Variants in CCDC141 observed in about 807,000 individuals in gnomAD.
CCDC141 encodes the protein coiled-coil domain-containing protein 141.
CCDC141 carries 168 observed loss-of-function variants against 181.0 expected under a neutral mutation model. That is an observed-to-expected ratio of 0.93 (90% CI 0.82 to 1.05). CCDC141 has a LOEUF of 1.05. Ranked by LOEUF, CCDC141 falls within the 50% of genes least tolerant of loss-of-function variation. CCDC141 has a pLI of 0.00. For synonymous variants in CCDC141, 666 were observed against 642.3 expected, an observed-to-expected ratio of 1.04 and a Z score of -0.56; for missense variants, 1,902 against 1,788.5, an observed-to-expected ratio of 1.06 and a Z score of -1.14.
rs182318790 is a variant in CCDC141 at position 179,000,377 on chromosome 2, T to G, written c.226-21702A>C. Among the ~76,000 whole-genome samples the G allele has an allele frequency of 1.1e-4, 16 of 152,290 alleles. No individual in the cohort carries two copies. In the East Asian group the frequency reaches 1.7e-3, roughly 17 times the overall value. Reference sequence around the variant, plus strand: ...TCACAATACAACAGCCTAGTCTAAATAGTTGCAACTCACAGAGTAATATGA... The same window carrying G: ...TCACAATACAACAGCCTAGTCTAAAGAGTTGCAACTCACAGAGTAATATGA... On this transcript the variant is annotated intron_variant, in intron 2 of 23. Coordinates refer to ENST00000443758, the MANE Select transcript of CCDC141 (RefSeq NM_173648.4).
intron 2 of CCDC141, among the ~76,000 whole-genome samples, chr2:179,015,081 TATATATATATATATATATATATA>T (rs1297057691): frequency 2.8e-5 from 1 of 36,048 alleles, no homozygotes; most frequent in Admixed American, 2.2e-4. Context: ...TATATATATA[TATATATATATATATATATATATA>T]ATATATATAT....
intron 11 of CCDC141, among the ~76,000 whole-genome samples, chr2:178,878,581 A>G (rs1686458501): frequency 6.6e-6 from 1 of 150,864 alleles, no homozygotes; most frequent in East Asian, 1.9e-4. Context: ...GGCCTGTCAA[A>G]GTGCTGGGAT....
At chr2:178,865,114 A>AG (rs1395826379) in intron 17 of CCDC141, among the ~76,000 whole-genome samples, 1 of 152,154 alleles carries the variant, frequency 6.6e-6, no homozygotes, top group African/African-American at 2.4e-5. Flanking sequence ...GTTACAGTTG[A>AG]GGGGGAGGAG....
chr2:178,905,177 T>C (rs1487700906), intron 8 of CCDC141, among the ~76,000 whole-genome samples, 152 bp downstream of exon 8: 1 of 152,208 alleles, frequency 6.6e-6, no homozygotes, highest in East Asian at 1.9e-4. Flanking sequence ...TCAGAATAGC[T>C]GTTGATCAAA....
rs796080752 is a variant in CCDC141 at position 178,979,104 on chromosome 2, A to T, written c.226-429T>A. Among the ~76,000 whole-genome samples the T allele has an allele frequency of 5.9e-5, 9 of 152,330 alleles. 1 individual carries two copies. Among genetic ancestry groups the T allele is most frequent in the African/African-American group, 2.2e-4 (9 of 41,574 alleles). ...ATAATTGTCATTAGTTGTTAATATGACCGTGACGATTAATGTAAATATTAA... is the reference window on the plus strand; with the variant it reads ...ATAATTGTCATTAGTTGTTAATATGTCCGTGACGATTAATGTAAATATTAA... On this transcript the variant is annotated intron_variant, in intron 2 of 23. Transcript: ENST00000443758.
intron 8 of CCDC141, 57 bp downstream of exon 8, chr2:178,905,272 C>A: frequency 2.1e-6 from 3 of 1,419,224 alleles, no homozygotes; most frequent in Non-Finnish European, 2.8e-6. Context: ...ATTTTTAGCA[C>A]GTTGTGGAAA....
intron 2 of CCDC141, among the ~76,000 whole-genome samples, chr2:178,990,342 C>T (rs1310781603): frequency 3.3e-5 from 5 of 151,580 alleles, no homozygotes; most frequent in Non-Finnish European, 5.9e-5. Context: ...GGCATATATC[C>T]ACAGGAATTA....
intron 7 of CCDC141, among the ~76,000 whole-genome samples, chr2:178,913,513 T>C (rs963465540): frequency 1.3e-5 from 2 of 152,190 alleles, no homozygotes; most frequent in Admixed American, 6.5e-5. Context: ...TAATATCCCA[T>C]ATATATCACG....
At position 179,032,976 on chromosome 2, in the gene CCDC141, T is replaced by C. The variant is rs923679377; in HGVS notation, c.225+14308A>G. 3.1e-4 allele frequency among the ~76,000 whole-genome samples: 45 copies of C among 145,880 alleles called. 1 individual carries two copies. Among genetic ancestry groups the C allele is most frequent in the East Asian group, 5.8e-4 (3 of 5,134 alleles). ...TCTAGTGTTTTACACATTTATACAT[T>C]ATTATATATCTCAGAATATTATATA... On this transcript the variant is annotated intron_variant, in intron 2 of 23. Transcript: ENST00000443758.
intron 16 of CCDC141, 21 bp from the exon 17 acceptor site, chr2:178,865,937 TA>T: frequency 6.9e-7 from 1 of 1,459,634 alleles, no homozygotes; most frequent in Non-Finnish European, 9.1e-7. Context: ...CAAATGGTGG[TA>T]ACAGAGAGAA....
downstream of CCDC141, among the ~76,000 whole-genome samples, chr2:178,825,973 T>G (rs1451498793): frequency 6.6e-6 from 1 of 152,202 alleles, no homozygotes; most frequent in Non-Finnish European, 1.5e-5. Context: ...TATGTTTTCT[T>G]GTCATATTCA....
chr2:178,903,803 C>T (rs771268322), intron 8 of CCDC141, among the ~76,000 whole-genome samples: 1 of 151,444 alleles, frequency 6.6e-6, no homozygotes, highest in Non-Finnish European at 1.5e-5. Context: ...AACCTTTCCA[C>T]AGCCAGGGAA....
intron 17 of CCDC141, among the ~76,000 whole-genome samples, chr2:178,856,786 T>C (rs1019631658): frequency 3.3e-5 from 5 of 152,168 alleles, no homozygotes; most frequent in African/African-American, 4.8e-5. Flanking sequence ...GTTTTCACCA[T>C]GTTGGCCAGA....
intron 8 of CCDC141, among the ~76,000 whole-genome samples, chr2:178,899,958 A>C (rs1687606256): frequency 6.6e-6 from 1 of 152,182 alleles, no homozygotes; most frequent in East Asian, 1.9e-4. Flanking sequence ...TCTAGTTTGC[A>C]ACTGACAGTC....
Position 178,836,959 on chromosome 2 carries a change from GAC to G in CCDC141, c.4258_4259del (p.Val1420HisfsTer11), listed in dbSNP as rs1224986823. 1.9e-6 allele frequency: 3 copies of G among 1,613,784 alleles called. No homozygotes were observed. The African/African-American group carries it at 4.0e-5, about 22-fold the overall frequency. On this transcript the variant is annotated frameshift_variant, in exon 23 of 24. Transcript: ENST00000443758. LOFTEE classifies it high-confidence loss of function. ...NFSRLLSNVT[V>X]MEGSPVTLEV... ...CCAAAGTCACTGGAGAACCTTCCAT[GAC>G]AGTTACATTAGACAGGAGCCTGGAG...
intron 4 of CCDC141, among the ~76,000 whole-genome samples, chr2:178,962,576 C>G (rs955648978): frequency 3.9e-5 from 6 of 151,986 alleles, no homozygotes; most frequent in Admixed American, 2.0e-4. Flanking sequence ...AACATAGCAT[C>G]TCTTTCCCTC....
intron 7 of CCDC141, among the ~76,000 whole-genome samples, chr2:178,914,872 A>G (rs1688373175): frequency 1.3e-5 from 2 of 152,168 alleles, no homozygotes; most frequent in African/African-American, 2.4e-5. Flanking sequence ...TAGAATTGTT[A>G]GAGAGGGGAA....
intron 8 of CCDC141, among the ~76,000 whole-genome samples, chr2:178,897,405 C>A (rs1442768521): frequency 3.3e-5 from 5 of 152,130 alleles, no homozygotes; most frequent in Non-Finnish European, 7.3e-5. Flanking sequence ...GTAGCAGTAG[C>A]CAACACAAAT....
chr2:178,997,592 C>T (rs1347590172), intron 2 of CCDC141, among the ~76,000 whole-genome samples: 1 of 152,124 alleles, frequency 6.6e-6, no homozygotes, highest in Non-Finnish European at 1.5e-5. Context: ...TTTTAGTTGT[C>T]ACGTGTGTGT....
Sources: gnomAD v4.1 joint callset for allele counts (sites outside exome capture counted in the v4.1 genomes callset) on GRCh38, gnomAD v4.1.1 for gene constraint, MANE v1.5 for transcripts, NCBI Gene and HGNC (gene_info 2026-07-23, HGNC 2026-07-21) for gene names.